SIPA1L1: variants seen among roughly 807,000 people sequenced by gnomAD.
SIPA1L1 encodes the protein signal induced proliferation associated 1 like 1.
Under a neutral mutation model 162.7 loss-of-function variants are expected in SIPA1L1, and 26 were observed. The observed-to-expected ratio is 0.16, with a 90% confidence interval of 0.12 to 0.22. The LOEUF is 0.22. SIPA1L1 is among the 10% of genes least tolerant of loss of function. The pLI is 1.00. For missense variants in SIPA1L1, 1,874 were observed against 2,241.0 expected (o/e 0.84, Z 3.31); for synonymous variants, 829 against 837.4 (o/e 0.99, Z 0.17).
At chr14:71,615,730 G>A (rs1286657824) in intron 5 of SIPA1L1, among the ~76,000 whole-genome samples, 3 of 152,188 alleles carry the variant, frequency 2.0e-5, no homozygotes, top group Admixed American at 6.5e-5. Flanking sequence ...GCTTTGGCCC[G>A]GCACAGTGGC....
intron 3 of SIPA1L1, among the ~76,000 whole-genome samples, chr14:71,527,793 G>C (rs2053032196): frequency 6.6e-6 from 1 of 152,176 alleles, no homozygotes; most frequent in Admixed American, 6.5e-5. Flanking sequence ...AGCTTAGTTA[G>C]ACTTTCATGT....
At chr14:71,376,503 C>CT (rs34468277) in intron 2 of SIPA1L1, among the ~76,000 whole-genome samples, 24,668 of 147,322 alleles carry the variant, frequency 0.17, 2,580 homozygotes, top group Middle Eastern at 0.36. Context: ...AATCAGGCAA[C>CT]TTTTTTTTTT....
intron 5 of SIPA1L1, among the ~76,000 whole-genome samples, chr14:71,604,925 C>G (rs1431236991): frequency 6.6e-6 from 1 of 152,094 alleles, no homozygotes. Flanking sequence ...ATATCTAAAT[C>G]TCTTGCTAGA....
intron 2 of SIPA1L1, among the ~76,000 whole-genome samples, chr14:71,479,367 A>ATGTATGTG (rs985831075): frequency 1.3e-5 from 2 of 151,558 alleles, no homozygotes; most frequent in East Asian, 1.9e-4. Flanking sequence ...GTATGTATGT[A>ATGTATGTG]TGTATGTGTG....
rs147519251 is a variant in SIPA1L1 at position 71,489,601 on chromosome 14, G to A, written c.-464-23142G>A. 9.3e-4 allele frequency among the ~76,000 whole-genome samples: 141 copies of A among 152,018 alleles called. No individual in the cohort carries two copies. The East Asian group carries it at 0.022, about 24-fold the overall frequency. ...TTCCTCTGGAGACTGCCTAAATCAG[G>A]GATGTCCAATCTTTTGGCTTCCCTG... On this transcript the variant is annotated intron_variant, in intron 2 of 23. Coordinates refer to ENST00000381232, the MANE Select transcript of SIPA1L1 (RefSeq NM_001386936.1).
At chr14:71,574,088 A>G in intron 4 of SIPA1L1, 1 of 189,562 alleles carries the variant, frequency 5.3e-6, no homozygotes, top group South Asian at 8.5e-5. Flanking sequence ...GATTTCTACA[A>G]CAAAAATCTT....
chr14:71,357,705 G>A (rs2037407606), intron 2 of SIPA1L1, among the ~76,000 whole-genome samples: 1 of 152,166 alleles, frequency 6.6e-6, no homozygotes. Flanking sequence ...GGTACTGTAG[G>A]CATGAGCCAT....
chr14:71,628,798 C>T (rs1385018217), intron 7 of SIPA1L1, among the ~76,000 whole-genome samples: 1 of 152,072 alleles, frequency 6.6e-6, no homozygotes, highest in Non-Finnish European at 1.5e-5. Flanking sequence ...TTCATCAGGC[C>T]AGGGAATAAG....
intron 2 of SIPA1L1, among the ~76,000 whole-genome samples, chr14:71,490,638 A>T (rs987966182): frequency 1.3e-5 from 2 of 152,200 alleles, no homozygotes; most frequent in Non-Finnish European, 2.9e-5. Flanking sequence ...TGATGTGTGA[A>T]CATCTCCAAG....
chr14:71,491,236 T>C (rs904370992), intron 2 of SIPA1L1, among the ~76,000 whole-genome samples: 9 of 152,206 alleles, frequency 5.9e-5, no homozygotes, highest in Non-Finnish European at 1.0e-4. Flanking sequence ...TCAAGCAAAC[T>C]GAATGTGGCT....
intron 8 of SIPA1L1, among the ~76,000 whole-genome samples, chr14:71,654,288 T>C (rs2042878303): frequency 6.6e-6 from 1 of 152,168 alleles, no homozygotes; most frequent in Admixed American, 6.5e-5. Flanking sequence ...TTTCCTTCTT[T>C]TTTGTTTTCT....
At chr14:71,646,520 A>C (rs2042185048) in intron 7 of SIPA1L1, among the ~76,000 whole-genome samples, 1 of 152,138 alleles carries the variant, frequency 6.6e-6, no homozygotes, top group East Asian at 1.9e-4. Context: ...AGGAAGAGCA[A>C]ATTTATGTAC....
intron 13 of SIPA1L1, among the ~76,000 whole-genome samples, chr14:71,695,343 G>A (rs1270134415): frequency 2.0e-5 from 3 of 152,210 alleles, no homozygotes; most frequent in African/African-American, 7.2e-5. Flanking sequence ...ATGCAAAAGA[G>A]GGATGGGAAT....
At chr14:71,350,415 A>G (rs1026521827) in intron 2 of SIPA1L1, among the ~76,000 whole-genome samples, 3 of 152,126 alleles carry the variant, frequency 2.0e-5, no homozygotes, top group Non-Finnish European at 4.4e-5. Context: ...CTCAAGACAA[A>G]ACAAAAAAAA....
intron 7 of SIPA1L1, among the ~76,000 whole-genome samples, chr14:71,629,915 A>G (rs2040402162): frequency 2.0e-5 from 3 of 152,260 alleles, no homozygotes; most frequent in South Asian, 4.1e-4. Context: ...GATTAAGGAC[A>G]TGAATGAAAT....
intron 2 of SIPA1L1, among the ~76,000 whole-genome samples, chr14:71,483,719 C>G (rs144170333): frequency 7.0e-4 from 107 of 152,322 alleles, no homozygotes; most frequent in African/African-American, 2.3e-3. Flanking sequence ...CCATGTCACT[C>G]TCCTGCTGAA....
chr14:71,619,543 A>G (rs1225291682), intron 6 of SIPA1L1, among the ~76,000 whole-genome samples: 1 of 152,052 alleles, frequency 6.6e-6, no homozygotes, highest in Non-Finnish European at 1.5e-5. Context: ...GAACCCACAC[A>G]GCATTTTTTT....
chr14:71,651,056 T>G (rs2042578026), intron 8 of SIPA1L1, among the ~76,000 whole-genome samples: 1 of 152,202 alleles, frequency 6.6e-6, no homozygotes, highest in African/African-American at 2.4e-5. Context: ...TAAAATGTGT[T>G]GATTAAAAGC....
intron 4 of SIPA1L1, among the ~76,000 whole-genome samples, 175 bp from the exon 5 acceptor site, chr14:71,587,396 T>G (rs960706941): frequency 1.3e-5 from 2 of 152,018 alleles, no homozygotes; most frequent in African/African-American, 2.4e-5. Context: ...TTTTATCAAA[T>G]GGTTTTTACT....
Sources: gnomAD v4.1 joint callset for allele counts (sites outside exome capture counted in the v4.1 genomes callset) on GRCh38, gnomAD v4.1.1 for gene constraint, MANE v1.5 for transcripts, NCBI Gene and HGNC (gene_info 2026-07-23, HGNC 2026-07-21) for gene names.